Variants in MLPH observed in about 807,000 individuals in gnomAD.
MLPH encodes melanophilin.
A neutral mutation model predicts 72.1 loss-of-function variants in MLPH; 51 were observed. The ratio of observed to expected loss-of-function variants is 0.71; its 90% CI spans 0.56 to 0.89. The LOEUF is 0.89. MLPH is among the 40% of genes least tolerant of loss of function. The probability of loss-of-function intolerance (pLI) is 0.00; values close to 1 mark genes in which losing one functional copy is unlikely to be tolerated. For synonymous variants in MLPH, 301 were observed against 310.1 expected (o/e 0.97, Z 0.31); for missense variants, 743 against 759.9 (o/e 0.98, Z 0.26).
rs759819295 is a variant in MLPH, at chr2:237,518,462, A to T, written c.446-77A>T. On this transcript the variant is annotated intron_variant, in intron 4 of 15. Coordinates refer to ENST00000264605, the MANE Select transcript of MLPH (RefSeq NM_024101.7). ...GGTAGATGGATAGATTAGTGGATGGATGGGTGGATGGGCTGACAAATGGCT... is the reference window on the plus strand; with the variant it reads ...GGTAGATGGATAGATTAGTGGATGGTTGGGTGGATGGGCTGACAAATGGCT... 1.6e-5 allele frequency: 19 copies of T among 1,168,260 alleles called. No homozygotes were observed. In the Middle Eastern group the frequency reaches 7.5e-4, roughly 46 times the overall value. 72.4% of individuals were successfully genotyped at this position (1,168,260 alleles called of 1,614,324 possible).
chr2:237,505,571 G>A lies in MLPH; in HGVS notation c.111-5003G>A, dbSNP rs1420310696. On this transcript the variant is annotated intron_variant, in intron 2 of 15. Transcript: ENST00000264605. The surrounding 1 kb of genome is among the most constrained non-coding windows in gnomAD (Gnocchi z 4.5). ...GTGGCCACCAGCCCCGCCATCCTGG[G>A]CTCTCCCCAGTATTCCTGCATGTTG... Among the ~76,000 whole-genome samples the A allele has an allele frequency of 6.6e-6, 1 of 152,250 alleles. No homozygotes were observed. Among genetic ancestry groups the A allele is most frequent in the East Asian group, 1.9e-4 (1 of 5,180 alleles).
intron 2 of MLPH, among the ~76,000 whole-genome samples, chr2:237,507,680 A>T (rs903016084): frequency 6.6e-6 from 1 of 152,178 alleles, no homozygotes; most frequent in African/African-American, 2.4e-5. Flanking sequence ...AGTGTTGCAA[A>T]CTGTCAAGCT....
At chr2:237,494,543 A>G (rs2079496634) in intron 2 of MLPH, among the ~76,000 whole-genome samples, 1 of 152,094 alleles carries the variant, frequency 6.6e-6, no homozygotes, top group Non-Finnish European at 1.5e-5. Context: ...GGCTCTGTGA[A>G]GTGGCCAGAT....
chr2:237,492,628 C>T (rs2106452586), intron 1 of MLPH, among the ~76,000 whole-genome samples: 1 of 152,294 alleles, frequency 6.6e-6, no homozygotes, highest in Middle Eastern at 3.4e-3. Context: ...ATCTCAGCAC[C>T]TACTGCTCAT....
chr2:237,509,220 C>G (rs944221818), intron 2 of MLPH, among the ~76,000 whole-genome samples: 1 of 152,206 alleles, frequency 6.6e-6, no homozygotes, highest in Admixed American at 6.5e-5. Flanking sequence ...CTCCTTTCCC[C>G]TAATTTCAGC....
chr2:237,515,985 C>T (rs2080009098), intron 4 of MLPH, among the ~76,000 whole-genome samples: 1 of 152,232 alleles, frequency 6.6e-6, no homozygotes, highest in African/African-American at 2.4e-5. Flanking sequence ...GTGAAGGTGG[C>T]TCTGAGGCCA....
chr2:237,491,815 A>G (rs2079434202), intron 1 of MLPH, among the ~76,000 whole-genome samples: 1 of 152,178 alleles, frequency 6.6e-6, no homozygotes, highest in South Asian at 2.1e-4. Flanking sequence ...AAAGCCAGCA[A>G]GTGGATCTGT....
At chr2:237,508,785 C>T (rs1472283691) in intron 2 of MLPH, among the ~76,000 whole-genome samples, 1 of 152,168 alleles carries the variant, frequency 6.6e-6, no homozygotes, top group South Asian at 2.1e-4. Context: ...CCAGCATAGC[C>T]GGTGGTGCTC....
chr2:237,522,356 T>A, intron 6 of MLPH, among the ~76,000 whole-genome samples: 2 of 90,142 alleles, frequency 2.2e-5, no homozygotes, highest in African/African-American at 5.5e-5. Context: ...AGTGCTGGAG[T>A]GGAGCAGGGC....
At chr2:237,549,714 C>T (rs1157878013) in intron 14 of MLPH, among the ~76,000 whole-genome samples, 1 of 152,142 alleles carries the variant, frequency 6.6e-6, no homozygotes, top group African/African-American at 2.4e-5. Context: ...TCTGTGTGCT[C>T]ATCTCATTCA....
At chr2:237,514,632 T>A (rs1449456355) in intron 4 of MLPH, among the ~76,000 whole-genome samples, 1 of 152,162 alleles carries the variant, frequency 6.6e-6, no homozygotes, top group Non-Finnish European at 1.5e-5. Context: ...GAGGCCCTCA[T>A]TTGGGGCATT....
intron 2 of MLPH, among the ~76,000 whole-genome samples, chr2:237,508,434 C>G (rs1021630193): frequency 2.0e-5 from 3 of 152,116 alleles, no homozygotes; most frequent in Non-Finnish European, 2.9e-5. Flanking sequence ...AATGAAGGAT[C>G]TAATGACTGT....
At chr2:237,549,354 C>G in intron 14 of MLPH, 76 bp downstream of exon 14, 1 of 1,277,682 alleles carries the variant, frequency 7.8e-7, no homozygotes, top group Non-Finnish European at 1.1e-6. Flanking sequence ...AGTCGCAGCT[C>G]TGTGTGTTTC....
In MLPH at chr2:237,554,946, C is replaced by T. The variant is rs1370368733; in HGVS notation, c.*1354C>T. On this transcript the variant is annotated 3_prime_UTR_variant, in exon 16 of 16. Transcript: ENST00000264605. ...CGTGGGAGTTTTTCCATATAATTCC[C>T]AGCCTTACTTATAAATTCTATTCTT... The T allele has an allele frequency of 6.6e-6, 1 of 152,154 alleles. No homozygotes were observed. The highest frequency in any genetic ancestry group is 2.4e-5 in the African/African-American group (1 of 41,428). The allele number at this position is 152,154 out of a possible 1,614,324, so 9.4% of individuals were successfully genotyped here.
At chr2:237,533,056 C>T (rs1421017353) in intron 8 of MLPH, among the ~76,000 whole-genome samples, 1 of 152,206 alleles carries the variant, frequency 6.6e-6, no homozygotes, top group African/African-American at 2.4e-5. Flanking sequence ...TCACAGTGTA[C>T]ATCCTCACTC....
chr2:237,540,784 C>G lies in MLPH; in HGVS notation c.1291-18C>G, dbSNP rs766350555. On this transcript the variant is annotated intron_variant, in intron 10 of 15. Transcript: ENST00000264605. The stretch of plus-strand genomic sequence containing the variant: ...CTCCCTCCTGCTGCTGGTCAGCCTC[C>G]GTCCTTCTCTTTCCTAGGTGGGCAC... The G allele has an allele frequency of 3.1e-6, 5 of 1,612,386 alleles. No individual in the cohort carries two copies. In the South Asian group the frequency reaches 5.5e-5, roughly 18 times the overall value.
At position 237,518,921 on chromosome 2, in the gene MLPH, G is replaced by A. The variant is rs537269094; in HGVS notation, c.555+273G>A. ...ACTGAGTGTGTGGCCAGAGTCTGGGGGCACACGGGTGTAGTGAGTGCAGGG... is the reference window on the plus strand; with the variant it reads ...ACTGAGTGTGTGGCCAGAGTCTGGGAGCACACGGGTGTAGTGAGTGCAGGG... On this transcript the variant is annotated intron_variant, in intron 5 of 15. Transcript: ENST00000264605. 2.0e-5 allele frequency among the ~76,000 whole-genome samples: 3 copies of A among 152,280 alleles called. No individual in the cohort carries two copies. In the South Asian group the frequency reaches 6.2e-4, roughly 32 times the overall value.
chr2:237,529,937 C>G (rs886698272), intron 8 of MLPH, among the ~76,000 whole-genome samples: 5 of 152,172 alleles, frequency 3.3e-5, no homozygotes, highest in African/African-American at 1.2e-4. Flanking sequence ...AGGAGGGAGG[C>G]TAAGTGAAAG....
At chr2:237,528,420 G>A (rs569988377) in intron 8 of MLPH, among the ~76,000 whole-genome samples, 4 of 150,944 alleles carry the variant, frequency 2.6e-5, no homozygotes, top group African/African-American at 9.8e-5. Flanking sequence ...GCGCAATCTC[G>A]GCTCACTGCA....
Sources: allele counts gnomAD v4.1 joint callset (sites outside exome capture counted in the v4.1 genomes callset), GRCh38; gene constraint gnomAD v4.1.1; non-coding constraint Gnocchi (gnomAD v3.1); transcripts MANE v1.5; gene names NCBI Gene and HGNC (gene_info 2026-07-23, HGNC 2026-07-21).